The following FAM13C variants were observed in gnomAD, a reference collection of about 807,000 sequenced individuals.
FAM13C encodes family with sequence similarity 13 member C, also known as protein FAM13C.
In FAM13C, 37 loss-of-function variants were observed where a neutral mutation model predicts 73.2. That is an observed-to-expected ratio of 0.51 (90% CI 0.39 to 0.67). The LOEUF is 0.67. Among genes scored for constraint, FAM13C ranks in the 30% least tolerant of loss-of-function variants. The pLI, the probability that FAM13C is intolerant of heterozygous loss-of-function variation, is 0.00. For missense variants in FAM13C, 589 were observed against 715.6 expected (o/e 0.82, Z 2.02); for synonymous variants, 246 against 260.9 (o/e 0.94, Z 0.55).
intron 1 of FAM13C, among the ~76,000 whole-genome samples, chr10:59,361,505 C>G (rs536786365): frequency 1.3e-5 from 2 of 151,962 alleles, no homozygotes; most frequent in African/African-American, 4.8e-5. Flanking sequence ...TTTACACATG[C>G]CTTTTTCCTG....
rs1012715777 is a variant in FAM13C, at chr10:59,352,491, C to A, written c.120-17G>T. ...TTTTCATCTCTAAAACAGGAAAGAC[C>A]CAATTTAGAAAGTACCTTAAAAAAA... On this transcript the variant is annotated splice_polypyrimidine_tract_variant and intron_variant, in intron 2 of 13. Transcript: ENST00000618804. 1.9e-6 allele frequency: 3 copies of A among 1,580,276 alleles called. No homozygotes were observed. In the African/African-American group the frequency reaches 4.1e-5, roughly 21 times the overall value.
chr10:59,352,152 G>T, intron 3 of FAM13C, 118 bp downstream of exon 3: 1 of 1,145,028 alleles, frequency 8.7e-7, no homozygotes, highest in Non-Finnish European at 1.2e-6. Context: ...AGCACGCAAT[G>T]ACAAGTCGTG....
chr10:59,317,637 T>C (rs566845359), intron 4 of FAM13C, among the ~76,000 whole-genome samples: 1 of 152,174 alleles, frequency 6.6e-6, no homozygotes, highest in Non-Finnish European at 1.5e-5. Context: ...TTACTGGTCT[T>C]ATGTAGAAAA....
intron 10 of FAM13C, among the ~76,000 whole-genome samples, chr10:59,255,486 G>GT (rs890694360): frequency 4.6e-5 from 7 of 151,898 alleles, no homozygotes; most frequent in South Asian, 2.1e-4. Context: ...GCTTGCATTG[G>GT]TTTTTTCCTG....
chr10:59,322,317 C>A (rs191616731), intron 4 of FAM13C, among the ~76,000 whole-genome samples: 2 of 152,302 alleles, frequency 1.3e-5, no homozygotes, highest in Middle Eastern at 3.4e-3. Context: ...GCCCTCACAG[C>A]ACTCCTGATA....
intron 3 of FAM13C, among the ~76,000 whole-genome samples, chr10:59,328,939 G>T (rs1851552067): frequency 6.6e-6 from 1 of 152,158 alleles, no homozygotes; most frequent in African/African-American, 2.4e-5. Context: ...TCACCCAAGA[G>T]TCCCTTTTTT....
At chr10:59,308,086 G>C (rs774165445) in intron 4 of FAM13C, among the ~76,000 whole-genome samples, 4 of 152,120 alleles carry the variant, frequency 2.6e-5, no homozygotes, top group African/African-American at 9.7e-5. Context: ...CTTGCCGCCT[G>C]TGTCCAAAAC....
intron 7 of FAM13C, 105 bp from the exon 8 acceptor site, chr10:59,268,796 A>AG: frequency 1.5e-6 from 2 of 1,377,102 alleles, no homozygotes; most frequent in Non-Finnish European, 1.9e-6. Flanking sequence ...AGAAGTCCAG[A>AG]GGGAAGTTCA....
At chr10:59,298,689 T>C (rs1267627920) in intron 5 of FAM13C, among the ~76,000 whole-genome samples, 1 of 152,232 alleles carries the variant, frequency 6.6e-6, no homozygotes, top group Non-Finnish European at 1.5e-5. Context: ...TCACTGCTAT[T>C]GCACTACTTA....
intron 2 of FAM13C, among the ~76,000 whole-genome samples, chr10:59,353,791 G>C (rs1420463140): frequency 6.6e-6 from 1 of 152,148 alleles, no homozygotes; most frequent in African/African-American, 2.4e-5. Flanking sequence ...CTTGAATCCA[G>C]AACAAACGTA....
intron 3 of FAM13C, among the ~76,000 whole-genome samples, chr10:59,342,949 T>C (rs150688201): frequency 3.6e-3 from 548 of 152,352 alleles, no homozygotes; most frequent in Admixed American, 6.8e-3. Context: ...GATGTGCATT[T>C]GCATATGTAT....
At position 59,352,313 on chromosome 10, in the gene FAM13C, G is replaced by C; in HGVS notation, c.281C>G (p.Ser94Cys). 1.2e-6 allele frequency: 2 copies of C among 1,614,166 alleles called. No individual in the cohort carries two copies. The highest frequency in any genetic ancestry group is 1.7e-6 in the Non-Finnish European group (2 of 1,180,034). ...CCTCCCGCTCTCCGCTTTGAAGATG[G>C]ACTTGGGCTTCCTGGACTTGAAGTT... ...MGNFKSRKPK[S>C]IFKAESGRSH... The change falls in exon 3 of 14, where the codon TCC (serine) becomes TGC (cysteine). Residue 94 changes from serine (S) to cysteine (C), a missense_variant. By Grantham distance (112) the Ser-to-Cys change is moderately radical (BLOSUM62 -1). Coordinates refer to ENST00000618804, the MANE Select transcript of FAM13C (RefSeq NM_198215.4).
chr10:59,258,496 A>T (rs1003191037), intron 10 of FAM13C, among the ~76,000 whole-genome samples: 4 of 152,270 alleles, frequency 2.6e-5, no homozygotes, highest in South Asian at 2.1e-4. Context: ...AAAATTTAAA[A>T]TAAAAAGGAA....
At chr10:59,263,575 G>C (rs1257611529) in intron 9 of FAM13C, among the ~76,000 whole-genome samples, 1 of 152,062 alleles carries the variant, frequency 6.6e-6, no homozygotes, top group Non-Finnish European at 1.5e-5. Flanking sequence ...ATTTTAAATG[G>C]ATTTTAGAGT....
At position 59,247,597 on chromosome 10, in the gene FAM13C, A is replaced by T; in HGVS notation, c.*17T>A. 1.9e-6 allele frequency: 3 copies of T among 1,613,184 alleles called. No homozygotes were observed. The highest frequency in any genetic ancestry group is 2.5e-6 in the Non-Finnish European group (3 of 1,179,520). On this transcript the variant is annotated 3_prime_UTR_variant, in exon 14 of 14. Transcript: ENST00000618804. ...CTTTATATCATGGGTGAAAGTGATC[A>T]TAACATTTCCTGAACCTCAAATAGT...
At chr10:59,288,389 T>C (rs1845838224) in intron 5 of FAM13C, among the ~76,000 whole-genome samples, 1 of 151,982 alleles carries the variant, frequency 6.6e-6, no homozygotes, top group Admixed American at 6.6e-5. Flanking sequence ...GCTACTTGGG[T>C]GGCAGAGGCA....
At chr10:59,276,674 T>C (rs1003771759) in intron 6 of FAM13C, among the ~76,000 whole-genome samples, 10 of 152,186 alleles carry the variant, frequency 6.6e-5, no homozygotes, top group Non-Finnish European at 1.2e-4. Context: ...TCAGTTCCAA[T>C]CCTTGTAAGT....
intron 4 of FAM13C, among the ~76,000 whole-genome samples, chr10:59,317,126 ATGTGTGTGTGTG>A (rs5785374): frequency 3.4e-5 from 5 of 149,212 alleles, no homozygotes; most frequent in African/African-American, 4.9e-5. Context: ...ACTATACATA[ATGTGTGTGTGTG>A]TGTGTGTGTG....
intron 3 of FAM13C, among the ~76,000 whole-genome samples, chr10:59,349,277 T>C (rs1156540973): frequency 6.6e-6 from 1 of 152,224 alleles, no homozygotes. Context: ...GTTTGTGTCT[T>C]TGGCAAAGAT....
Sources: gnomAD v4.1 joint callset for allele counts (sites outside exome capture counted in the v4.1 genomes callset) on GRCh38, gnomAD v4.1.1 for gene constraint, MANE v1.5 for transcripts, NCBI Gene and HGNC (gene_info 2026-07-23, HGNC 2026-07-21) for gene names.